The following NBAS variants were observed in gnomAD, a reference collection of about 807,000 sequenced individuals.
NBAS encodes the protein NBAS subunit of NRZ tethering complex, also known as NAG/BC035112 fusion.
NBAS carries 219 observed loss-of-function variants against 302.5 expected under a neutral mutation model. The ratio of observed to expected loss-of-function variants is 0.72; its 90% confidence interval spans 0.65 to 0.81. The LOEUF is 0.81. Ranked by LOEUF, NBAS falls within the 30% of genes least tolerant of loss-of-function variation. The pLI is 0.00. For synonymous variants in NBAS, 1,118 were observed against 1,021.6 expected, an observed-to-expected ratio of 1.09 and a Z score of -1.80; for missense variants, 2,932 against 2,841.6, an observed-to-expected ratio of 1.03 and a Z score of -0.72.
chr2:14,906,415 T>G, the NBAS span, among the ~76,000 whole-genome samples: 86,144 of 152,098 alleles, frequency 0.57, 25,180 homozygotes, highest in African/African-American at 0.7. Flanking sequence ...CATTGACCCC[T>G]CAGTCTGTTC....
chr2:14,796,287 T>C, the NBAS span, among the ~76,000 whole-genome samples: 1 of 152,066 alleles, frequency 6.6e-6, no homozygotes, highest in Admixed American at 6.5e-5. Context: ...GTTCTACAAC[T>C]TCATTCTTCC....
intron 21 of NBAS, among the ~76,000 whole-genome samples, chr2:15,442,669 A>C (rs1422551514): frequency 1.3e-5 from 2 of 152,136 alleles, no homozygotes; most frequent in African/African-American, 2.4e-5. Context: ...GAACTGAAGG[A>C]AATAGAGACA....
At chr2:15,528,402 G>T (rs902299816) in intron 9 of NBAS, among the ~76,000 whole-genome samples, 16 of 146,178 alleles carry the variant, frequency 1.1e-4, no homozygotes, top group Admixed American at 9.6e-4. Flanking sequence ...CAATATGAAT[G>T]TTTATATTAT....
At chr2:14,908,102 G>C in the NBAS span, among the ~76,000 whole-genome samples, 1 of 152,302 alleles carries the variant, frequency 6.6e-6, no homozygotes, top group East Asian at 1.9e-4. Flanking sequence ...AGTGGCTCAC[G>C]CCTGTAATCC....
intron 44 of NBAS, among the ~76,000 whole-genome samples, chr2:15,246,030 G>T (rs1453273094): frequency 6.6e-6 from 1 of 152,166 alleles, no homozygotes; most frequent in South Asian, 2.1e-4. Context: ...CTGAGAGTAA[G>T]TTATATGTGG....
At chr2:14,821,161 C>G in the NBAS span, among the ~76,000 whole-genome samples, 4 of 152,046 alleles carry the variant, frequency 2.6e-5, no homozygotes, top group Admixed American at 1.3e-4. Context: ...CTCCTGACCT[C>G]GTGATCCGCC....
chr2:15,366,347 C>T (rs1460843477), intron 32 of NBAS, among the ~76,000 whole-genome samples: 4 of 152,074 alleles, frequency 2.6e-5, no homozygotes, highest in Admixed American at 2.6e-4. Flanking sequence ...TTTTATAACA[C>T]GTCAATTTTT....
intron 21 of NBAS, among the ~76,000 whole-genome samples, chr2:15,455,065 G>T (rs1192553432): frequency 6.6e-6 from 1 of 152,054 alleles, no homozygotes; most frequent in Non-Finnish European, 1.5e-5. Context: ...ACCATGCCCG[G>T]CTAATTTTTG....
At chr2:14,992,318 A>C in the NBAS span, among the ~76,000 whole-genome samples, 1 of 152,176 alleles carries the variant, frequency 6.6e-6, no homozygotes, top group Non-Finnish European at 1.5e-5. Context: ...CTAGGTGCCC[A>C]AGTCCTTGCA....
the NBAS span, among the ~76,000 whole-genome samples, chr2:14,789,826 T>C: frequency 6.6e-6 from 1 of 152,222 alleles, no homozygotes; most frequent in Non-Finnish European, 1.5e-5. Flanking sequence ...TGTATTCATC[T>C]TTGTATCTCC....
chr2:14,970,836 G>A, the NBAS span, among the ~76,000 whole-genome samples: 2 of 152,290 alleles, frequency 1.3e-5, no homozygotes, highest in South Asian at 2.1e-4. Flanking sequence ...GTAAAGCCTT[G>A]TCCAGCCTCA....
At position 15,332,377 on chromosome 2, in the gene NBAS, A is replaced by G. The variant is rs568629903; in HGVS notation, c.4180-1612T>C. ...AAAGTTTGTGGTAATATACAACAGC[A>G]GCAACAGAAAACAAATATATTATGT... On this transcript the variant is annotated intron_variant, in intron 35 of 51. Coordinates refer to ENST00000281513, the MANE Select transcript of NBAS (RefSeq NM_015909.4). Among the ~76,000 whole-genome samples the G allele has an allele frequency of 2.0e-5, 3 of 152,346 alleles. No homozygotes were observed. In the East Asian group the frequency reaches 5.8e-4, roughly 29 times the overall value.
At chr2:15,080,589 G>T in the NBAS span, among the ~76,000 whole-genome samples, 1 of 152,212 alleles carries the variant, frequency 6.6e-6, no homozygotes, top group Non-Finnish European at 1.5e-5. Context: ...ACTTGAGCAA[G>T]GCTCAGCTGG....
intron 21 of NBAS, among the ~76,000 whole-genome samples, chr2:15,436,455 C>G (rs1300892209): frequency 6.6e-6 from 1 of 152,050 alleles, no homozygotes; most frequent in East Asian, 1.9e-4. Flanking sequence ...GTGAAAAACC[C>G]TCCAATGACA....
chr2:15,396,506 C>T (rs371551298), intron 26 of NBAS, 31 bp from the exon 27 acceptor site: 1 of 1,483,126 alleles, frequency 6.7e-7, no homozygotes, highest in Non-Finnish European at 9.1e-7. Flanking sequence ...AAAAAAAAGC[C>T]CTTAAGTTTA....
chr2:14,785,729 T>C, the NBAS span, among the ~76,000 whole-genome samples: 1 of 152,222 alleles, frequency 6.6e-6, no homozygotes. Flanking sequence ...TGCCAGTATT[T>C]TATTGAGGAT....
Position 15,352,029 on chromosome 2 carries a change from A to T in NBAS, c.4142T>A (p.Ile1381Asn). 2 of 1,612,426 alleles carry T rather than the reference A, an allele frequency of 1.2e-6. No homozygotes were observed. Among genetic ancestry groups the T allele is most frequent in the South Asian group, 2.2e-5 (2 of 91,028 alleles). Reference protein sequence around the residue: ...FQIHHEGGENISASPLTSKAV... With the variant: ...FQIHHEGGENNSASPLTSKAV... Reference sequence around the variant, plus strand: ...TTTACTAGTTAATGGTGAAGCACTGATATTTTCCCCTCCTTCATGATGGAT... The same window carrying T: ...TTTACTAGTTAATGGTGAAGCACTGTTATTTTCCCCTCCTTCATGATGGAT... Residue 1381 changes from isoleucine (I) to asparagine (N), a missense_variant, in exon 35 of 52, where the codon ATC (isoleucine) becomes AAC (asparagine). By Grantham distance (149) the Ile-to-Asn change is moderately radical. Coordinates refer to ENST00000281513, the MANE Select transcript of NBAS (RefSeq NM_015909.4).
At chr2:14,894,268 C>T in the NBAS span, among the ~76,000 whole-genome samples, 1 of 152,120 alleles carries the variant, frequency 6.6e-6, no homozygotes, top group South Asian at 2.1e-4. Flanking sequence ...ATCCAACAGG[C>T]AGGAGGCAGA....
chr2:14,787,535 A>T, the NBAS span, among the ~76,000 whole-genome samples: 2 of 152,148 alleles, frequency 1.3e-5, no homozygotes, highest in African/African-American at 4.8e-5. Flanking sequence ...ATAATCTCTC[A>T]GCATTTGCTT....
Sources: gnomAD v4.1 joint callset for allele counts (sites outside exome capture counted in the v4.1 genomes callset) on GRCh38, gnomAD v4.1.1 for gene constraint, MANE v1.5 for transcripts, NCBI Gene and HGNC (gene_info 2026-07-23, HGNC 2026-07-21) for gene names.